Variants in AP3B1 observed in about 807,000 individuals in gnomAD.
The protein encoded by AP3B1 is adaptor related protein complex 3 subunit beta 1.
In AP3B1, 61 loss-of-function variants were observed where a neutral mutation model predicts 132.5. That is an observed-to-expected ratio of 0.46 (90% confidence interval 0.37 to 0.57). AP3B1 has a LOEUF of 0.57. Among genes scored for constraint, AP3B1 ranks in the 20% least tolerant of loss-of-function variants. The pLI, the probability that AP3B1 is intolerant of heterozygous loss-of-function variation, is 0.00. For synonymous variants in AP3B1, 388 were observed against 438.3 expected (o/e 0.89, Z 1.43); for missense variants, 1,120 against 1,289.4 (o/e 0.87, Z 2.01).
intron 15 of AP3B1, 33 bp downstream of exon 15, chr5:78,141,110 T>C: frequency 6.3e-7 from 1 of 1,597,084 alleles, no homozygotes; most frequent in South Asian, 1.1e-5. Flanking sequence ...GGAAAGTACG[T>C]ATTAGATAGG....
intron 7 of AP3B1, among the ~76,000 whole-genome samples, chr5:78,189,072 C>T (rs1029492320): frequency 6.6e-6 from 1 of 151,838 alleles, no homozygotes; most frequent in Non-Finnish European, 1.5e-5. Flanking sequence ...TGGGGCCTGT[C>T]AGGGCAGGGT....
intron 2 of AP3B1, among the ~76,000 whole-genome samples, chr5:78,256,481 A>G (rs543032232): frequency 2.0e-5 from 3 of 152,234 alleles, no homozygotes; most frequent in African/African-American, 7.2e-5. Context: ...GAAATCCAAA[A>G]CTTGAACAGA....
At chr5:78,171,818 G>C (rs959621169) in intron 11 of AP3B1, among the ~76,000 whole-genome samples, 1 of 152,160 alleles carries the variant, frequency 6.6e-6, no homozygotes, top group Non-Finnish European at 1.5e-5. Context: ...TCTTGTGCCA[G>C]TTTTCAAAGG....
intron 17 of AP3B1, among the ~76,000 whole-genome samples, chr5:78,123,809 A>T (rs1752339452): frequency 6.6e-6 from 1 of 151,916 alleles, no homozygotes; most frequent in Admixed American, 6.6e-5. Context: ...AGGGATCTAG[A>T]ACTAGAAATA....
At chr5:78,284,036 T>G (rs534491036) in intron 1 of AP3B1, among the ~76,000 whole-genome samples, 2 of 152,216 alleles carry the variant, frequency 1.3e-5, no homozygotes, top group Non-Finnish European at 2.9e-5. Flanking sequence ...CTGTTCCCTA[T>G]GTAAGCCATA....
intron 19 of AP3B1, among the ~76,000 whole-genome samples, chr5:78,112,082 A>T (rs1751616828): frequency 6.6e-6 from 1 of 152,172 alleles, no homozygotes; most frequent in Non-Finnish European, 1.5e-5. Context: ...GAAGATGTTT[A>T]AAGCTTATTA....
At chr5:78,043,640 T>C (rs1022530213) in intron 22 of AP3B1, 1 of 482,742 alleles carries the variant, frequency 2.1e-6, no homozygotes, top group Non-Finnish European at 4.2e-6. Flanking sequence ...GGGCTCTCCA[T>C]GGTCAGCACA....
chr5:78,258,523 AG>A (rs1299425686), intron 2 of AP3B1, among the ~76,000 whole-genome samples: 1 of 152,216 alleles, frequency 6.6e-6, no homozygotes, highest in Non-Finnish European at 1.5e-5. Flanking sequence ...TATACCCAAA[AG>A]AAAGACAGGC....
intron 3 of AP3B1, among the ~76,000 whole-genome samples, chr5:78,228,765 TAA>T (rs1746505147): frequency 1.3e-5 from 2 of 152,210 alleles, no homozygotes; most frequent in South Asian, 4.1e-4. Flanking sequence ...CCTCATCTGT[TAA>T]AAGAGTCCAG....
intron 19 of AP3B1, among the ~76,000 whole-genome samples, chr5:78,111,527 C>G (rs1751591869): frequency 6.6e-6 from 1 of 151,864 alleles, no homozygotes; most frequent in South Asian, 2.1e-4. Context: ...GGAGAGACAC[C>G]TAAAAAAACT....
intron 11 of AP3B1, among the ~76,000 whole-genome samples, chr5:78,173,080 T>C (rs1743991952): frequency 6.6e-6 from 1 of 152,228 alleles, no homozygotes; most frequent in South Asian, 2.1e-4. Flanking sequence ...TTTGAGTGAG[T>C]TTCTTAGCCT....
intron 22 of AP3B1, among the ~76,000 whole-genome samples, chr5:78,055,748 A>G (rs536750312): frequency 1.3e-5 from 2 of 152,316 alleles, no homozygotes; most frequent in African/African-American, 2.4e-5. Flanking sequence ...GGAAAGAACT[A>G]GCATGGAAAC....
intron 7 of AP3B1, among the ~76,000 whole-genome samples, chr5:78,203,906 A>T (rs1745400577): frequency 6.6e-6 from 1 of 152,160 alleles, no homozygotes; most frequent in Non-Finnish European, 1.5e-5. Context: ...AAGTTATTAT[A>T]CGTTTTCCCT....
At chr5:78,150,252 A>T (rs1454969731) in intron 14 of AP3B1, among the ~76,000 whole-genome samples, 1 of 152,244 alleles carries the variant, frequency 6.6e-6, no homozygotes, top group Non-Finnish European at 1.5e-5. Context: ...ATGGAGAAGA[A>T]ATAGCTGAAG....
At chr5:78,263,635 C>T (rs1037876182) in intron 2 of AP3B1, among the ~76,000 whole-genome samples, 4 of 152,152 alleles carry the variant, frequency 2.6e-5, no homozygotes, top group Non-Finnish European at 4.4e-5. Flanking sequence ...GTTTTCCACA[C>T]CTGCTCTTTA....
chr5:78,211,904 C>T (rs2112469887), intron 7 of AP3B1, among the ~76,000 whole-genome samples: 1 of 152,260 alleles, frequency 6.6e-6, no homozygotes, highest in South Asian at 2.1e-4. Context: ...AAGTGACTTG[C>T]TAAAATCTGT....
At chr5:78,108,999 T>C (rs963054730) in intron 20 of AP3B1, among the ~76,000 whole-genome samples, 2 of 152,182 alleles carry the variant, frequency 1.3e-5, no homozygotes, top group Non-Finnish European at 2.9e-5. Flanking sequence ...TACTGTCGAT[T>C]TGTAACTCTC....
At position 78,191,548 on chromosome 5, in the gene AP3B1, G is replaced by A. The variant is rs533918264; in HGVS notation, c.787-9886C>T. ...AAATATAAAATCTATGTCTTGGGGA[G>A]TAACGATGGTCAGATAAAAGCCCAG... On this transcript the variant is annotated intron_variant, in intron 7 of 26. Coordinates refer to ENST00000255194, the MANE Select transcript of AP3B1 (RefSeq NM_003664.5). Among the ~76,000 whole-genome samples, 37 of 152,174 alleles carry A rather than the reference G, an allele frequency of 2.4e-4. No individual in the cohort carries two copies. The South Asian group carries it at 7.5e-3, about 31-fold the overall frequency.
chr5:78,268,940 A>G (rs1297606892), intron 1 of AP3B1, among the ~76,000 whole-genome samples: 2 of 152,180 alleles, frequency 1.3e-5, no homozygotes. Context: ...TCTGATATAA[A>G]TTACATGTTT....
Sources: gnomAD v4.1 joint callset for allele counts (sites outside exome capture counted in the v4.1 genomes callset) on GRCh38, gnomAD v4.1.1 for gene constraint, MANE v1.5 for transcripts, NCBI Gene and HGNC (gene_info 2026-07-23, HGNC 2026-07-21) for gene names.